NRG1: variants seen among roughly 807,000 people sequenced by gnomAD.
The protein encoded by NRG1 is pro-neuregulin-1, membrane-bound isoform.
In NRG1, 18 loss-of-function variants were observed where a neutral mutation model predicts 63.8. That is an observed-to-expected ratio of 0.28 (90% CI 0.19 to 0.42). The LOEUF (loss-of-function observed/expected upper bound fraction) is 0.42. NRG1 is among the 10% of genes least tolerant of loss of function. The pLI is 1.00. For missense variants in NRG1, 762 were observed against 814.7 expected (o/e 0.94, Z 0.79); for synonymous variants, 302 against 301.3 (o/e 1.00, Z -0.02).
intron 1 of NRG1, among the ~76,000 whole-genome samples, chr8:32,153,736 T>G (rs1205874436): frequency 6.6e-6 from 1 of 152,146 alleles, no homozygotes; most frequent in African/African-American, 2.4e-5. Context: ...GGTGGCAAGG[T>G]TAGAAAACTT....
chr8:32,511,331 A>ATGTG (rs1225559810), intron 1 of NRG1, among the ~76,000 whole-genome samples: 2 of 143,446 alleles, frequency 1.4e-5, no homozygotes, highest in Non-Finnish European at 3.0e-5. Flanking sequence ...ATACATATAT[A>ATGTG]TGTGTGTGTG....
chr8:32,361,950 G>T (rs1807270710), intron 1 of NRG1, among the ~76,000 whole-genome samples: 1 of 151,986 alleles, frequency 6.6e-6, no homozygotes, highest in Non-Finnish European at 1.5e-5. Context: ...GCCCAAGTAG[G>T]GTCCTGCTTC....
At chr8:31,724,741 C>T (rs1164233653) in intron 1 of NRG1, among the ~76,000 whole-genome samples, 1 of 151,968 alleles carries the variant, frequency 6.6e-6, no homozygotes, top group Non-Finnish European at 1.5e-5. Flanking sequence ...CTATATGAGA[C>T]CTTGGAATGT....
chr8:32,753,384 C>A (rs1483354066), intron 7 of NRG1, among the ~76,000 whole-genome samples: 1 of 152,180 alleles, frequency 6.6e-6, no homozygotes, highest in Non-Finnish European at 1.5e-5. Flanking sequence ...AATAGAAAAA[C>A]TTCTATGAAT....
At chr8:31,762,350 C>A (rs1279154135) in intron 1 of NRG1, among the ~76,000 whole-genome samples, 1 of 152,190 alleles carries the variant, frequency 6.6e-6, no homozygotes, top group Non-Finnish European at 1.5e-5. Flanking sequence ...CCAGCTTCAT[C>A]CATGTACCTG....
chr8:32,359,044 T>C (rs1363020529), intron 1 of NRG1, among the ~76,000 whole-genome samples: 1 of 152,082 alleles, frequency 6.6e-6, no homozygotes, highest in Non-Finnish European at 1.5e-5. Flanking sequence ...GGAGGGTGAA[T>C]AGCCCTCCTT....
At chr8:32,319,643 A>AT (rs1801148589) in intron 1 of NRG1, among the ~76,000 whole-genome samples, 1 of 152,096 alleles carries the variant, frequency 6.6e-6, no homozygotes, top group East Asian at 1.9e-4. Flanking sequence ...TGCTCAAAGG[A>AT]TTTTTTTAAA....
Position 31,640,479 on chromosome 8 carries a change from C to A in NRG1, c.37+1048C>A, listed in dbSNP as rs758101995. ...AGGCGCCCTATCTGGTGAAGGTGCA[C>A]CAGGTGTGGGCGGTGAAAGCCGGGG... On this transcript the variant is annotated intron_variant, in intron 1 of 10. Coordinates refer to the NRG1 transcript ENST00000519301. This position sits in a 1 kb window ranked among gnomAD's most constrained non-coding sequence, Gnocchi z 6.3. The A allele has an allele frequency of 6.2e-7, 1 of 1,604,510 alleles. No individual in the cohort carries two copies. Among genetic ancestry groups the A allele is most frequent in the East Asian group, 2.3e-5 (1 of 44,196 alleles).
chr8:31,994,070 C>T (rs991334682), intron 1 of NRG1, among the ~76,000 whole-genome samples: 5 of 151,896 alleles, frequency 3.3e-5, no homozygotes, highest in South Asian at 2.1e-4. Context: ...AAGCGAGGTA[C>T]AGGGTGCTAT....
In NRG1 at chr8:32,190,933, G is replaced by C. The variant is rs184754685; in HGVS notation, c.38-404895G>C. ...GTACCCCCAAATTTTATAATAGGCA[G>C]TACTTTGGTCCAGATAAAGACATGT... On this transcript the variant is annotated intron_variant, in intron 1 of 10. Transcript: ENST00000519301. 1.3e-4 allele frequency among the ~76,000 whole-genome samples: 20 copies of C among 152,258 alleles called. No individual in the cohort carries two copies. In the East Asian group the frequency reaches 3.9e-3, roughly 29 times the overall value.
chr8:31,968,988 C>T (rs572302686), intron 1 of NRG1, among the ~76,000 whole-genome samples: 1 of 152,304 alleles, frequency 6.6e-6, no homozygotes, highest in Admixed American at 6.5e-5. Flanking sequence ...CTCAGCTCTC[C>T]CAGCATTTGA....
chr8:32,058,371 A>G (rs1356712130), intron 1 of NRG1, among the ~76,000 whole-genome samples: 2 of 152,036 alleles, frequency 1.3e-5, no homozygotes, highest in Admixed American at 6.6e-5. Flanking sequence ...GGCACAACAC[A>G]TGCATTGCAC....
chr8:32,314,494 A>G (rs10503907), intron 1 of NRG1, among the ~76,000 whole-genome samples: 47,029 of 152,122 alleles, frequency 0.31, 7,583 homozygotes, highest in South Asian at 0.39. Flanking sequence ...GGCTCCAGCA[A>G]TAAGCCTAAT....
rs1803687689 is a variant in NRG1 at position 31,640,781 on chromosome 8, C to G, written c.37+1350C>G. 1 of 1,442,788 alleles carries G rather than the reference C, an allele frequency of 6.9e-7. No homozygotes were observed. The highest frequency in any genetic ancestry group is 9.1e-7 in the Non-Finnish European group (1 of 1,097,512). 89.4% of individuals were successfully genotyped at this position (1,442,788 alleles called of 1,614,324 possible). On this transcript the variant is annotated intron_variant, in intron 1 of 10. Transcript: ENST00000519301. This position sits in a 1 kb window ranked among gnomAD's most constrained non-coding sequence, Gnocchi z 6.3. ...AACCCGCGGCGAGGAGGGCGCATCC[C>G]GGGCGCGCGGGCAGCGGGGCTCGAC...
At position 31,983,005 on chromosome 8, in the gene NRG1, A is replaced by G. The variant is rs201797617; in HGVS notation, c.37+343574A>G. 5.3e-5 allele frequency among the ~76,000 whole-genome samples: 8 copies of G among 152,260 alleles called. No homozygotes were observed. The East Asian group carries it at 1.6e-3, about 30-fold the overall frequency. ...GAAAGCTGTGCCTTCTCTTCATCATATAGTGACTCATTCAAGGTTGGCACA... is the reference window on the plus strand; with the variant it reads ...GAAAGCTGTGCCTTCTCTTCATCATGTAGTGACTCATTCAAGGTTGGCACA... On this transcript the variant is annotated intron_variant, in intron 1 of 10. Transcript: ENST00000519301.
chr8:32,685,196 A>G (rs979288733), intron 5 of NRG1, among the ~76,000 whole-genome samples: 7 of 152,202 alleles, frequency 4.6e-5, no homozygotes, highest in African/African-American at 1.7e-4. Context: ...CATCTAGACA[A>G]ACTAAAATAG....
intron 1 of NRG1, among the ~76,000 whole-genome samples, chr8:32,134,368 G>T (rs2131660746): frequency 6.6e-6 from 1 of 152,182 alleles, no homozygotes; most frequent in African/African-American, 2.4e-5. Flanking sequence ...ATTTGAAGTA[G>T]TTCGTCTTCA....
chr8:31,688,155 A>C (rs34841210), intron 1 of NRG1, among the ~76,000 whole-genome samples: 62,595 of 152,156 alleles, frequency 0.41, 14,772 homozygotes, highest in East Asian at 0.86. Context: ...TAAATCCATG[A>C]CTTTGGAGAC....
intron 1 of NRG1, among the ~76,000 whole-genome samples, chr8:31,744,335 A>G (rs1168617053): frequency 6.6e-6 from 1 of 152,048 alleles, no homozygotes. Flanking sequence ...GCCAGTATAC[A>G]TGAAAATGGG....
Sources: gnomAD v4.1 joint callset for allele counts (sites outside exome capture counted in the v4.1 genomes callset) on GRCh38, gnomAD v4.1.1 for gene constraint, Gnocchi (gnomAD v3.1) non-coding constraint, MANE v1.5 for transcripts, NCBI Gene and HGNC (gene_info 2026-07-23, HGNC 2026-07-21) for gene names.